The following SFXN5 variants were observed in gnomAD, a reference collection of about 807,000 sequenced individuals.
The protein encoded by SFXN5 is sideroflexin 5, also known as sideroflexin-5.
Under a neutral mutation model 50.2 loss-of-function variants are expected in SFXN5, and 43 were observed. The ratio of observed to expected loss-of-function variants is 0.86; its 90% CI spans 0.67 to 1.11. The LOEUF is 1.11. Ranked by LOEUF, SFXN5 falls within the 50% of genes least tolerant of loss-of-function variation. The pLI, the probability that SFXN5 is intolerant of heterozygous loss-of-function variation, is 0.00. For missense variants in SFXN5, 463 were observed against 454.1 expected (o/e 1.02, Z -0.18); for synonymous variants, 203 against 185.8 (o/e 1.09, Z -0.75).
At chr2:72,993,206 G>A (rs978526811) in intron 9 of SFXN5, among the ~76,000 whole-genome samples, 3 of 152,160 alleles carry the variant, frequency 2.0e-5, no homozygotes, top group Non-Finnish European at 2.9e-5. Flanking sequence ...TGAGGGCACC[G>A]GGGGCAAGGG....
At chr2:72,970,749 G>A (rs1675068311) in intron 11 of SFXN5, among the ~76,000 whole-genome samples, 1 of 151,818 alleles carries the variant, frequency 6.6e-6, no homozygotes, top group African/African-American at 2.4e-5. Context: ...GTGCAGTGAT[G>A]TGATCTCGGC....
intron 2 of SFXN5, among the ~76,000 whole-genome samples, chr2:73,048,238 T>C (rs1300955599): frequency 6.6e-6 from 1 of 152,216 alleles, no homozygotes; most frequent in Non-Finnish European, 1.5e-5. Context: ...TTGTTTGTTT[T>C]TGAGACAGAG....
chr2:72,980,556 C>T (rs868407251), intron 10 of SFXN5, among the ~76,000 whole-genome samples: 2 of 152,170 alleles, frequency 1.3e-5, no homozygotes, highest in African/African-American at 4.8e-5. Context: ...GAGAGTTTCA[C>T]AACCCATATT....
chr2:73,066,858 GA>G (rs1329292901), intron 1 of SFXN5, among the ~76,000 whole-genome samples: 1 of 150,048 alleles, frequency 6.7e-6, no homozygotes, highest in Non-Finnish European at 1.5e-5. Flanking sequence ...GAAAAGAAAA[GA>G]AAAAACAGAA....
rs528417439 is a variant in SFXN5 at position 72,950,153 on chromosome 2, T to A, written c.946-5054A>T. ...GCCAAGGCCTGGGGAACAGGCACAT[T>A]TGAAGGGCAAGCGGAGGGAACAAGC... On this transcript the variant is annotated intron_variant, in intron 13 of 13. Coordinates refer to ENST00000272433, the MANE Select transcript of SFXN5 (RefSeq NM_144579.3). The surrounding 1 kb of genome is among the most constrained non-coding windows in gnomAD (Gnocchi z 4.2). Among the ~76,000 whole-genome samples, 4 of 152,142 alleles carry A rather than the reference T, an allele frequency of 2.6e-5. No individual in the cohort carries two copies. In the South Asian group the frequency reaches 8.3e-4, roughly 32 times the overall value.
At chr2:73,021,659 G>A (rs1676909694) in intron 5 of SFXN5, among the ~76,000 whole-genome samples, 1 of 152,152 alleles carries the variant, frequency 6.6e-6, no homozygotes, top group Non-Finnish European at 1.5e-5. Context: ...CGACCCTGAG[G>A]GACCCATTTG....
chr2:73,010,491 C>A (rs1482692731), intron 6 of SFXN5, among the ~76,000 whole-genome samples: 1 of 152,112 alleles, frequency 6.6e-6, no homozygotes, highest in Admixed American at 6.5e-5. Context: ...GTCTGGGTTC[C>A]TGATGATATT....
chr2:73,026,084 GAGA>G (rs1677507164), intron 3 of SFXN5, among the ~76,000 whole-genome samples: 1 of 151,784 alleles, frequency 6.6e-6, no homozygotes, highest in African/African-American at 2.4e-5. Context: ...GCGCAATGCT[GAGA>G]AGGAGGTCCC....
At chr2:72,946,901 G>A (rs568464550) in intron 13 of SFXN5, among the ~76,000 whole-genome samples, 5 of 152,108 alleles carry the variant, frequency 3.3e-5, no homozygotes, top group Admixed American at 6.5e-5. Context: ...CCTGCTCCTT[G>A]GACTGGAGAC....
At chr2:72,968,396 T>C in intron 12 of SFXN5, 52 bp downstream of exon 12, 22 of 1,039,342 alleles carry the variant, frequency 2.1e-5, no homozygotes, top group South Asian at 2.6e-5. Context: ...TCCCCCTCCC[T>C]CTCCCCCTCC....
intron 13 of SFXN5, among the ~76,000 whole-genome samples, chr2:72,957,398 G>A (rs1351934715): frequency 6.6e-6 from 1 of 152,200 alleles, no homozygotes; most frequent in African/African-American, 2.4e-5. Context: ...GAAAAGAGCA[G>A]ATAAAACTCT....
intron 2 of SFXN5, among the ~76,000 whole-genome samples, chr2:73,055,753 A>C (rs532371633): frequency 2.8e-4 from 43 of 152,102 alleles, no homozygotes; most frequent in Non-Finnish European, 5.9e-5. Flanking sequence ...AGTAGCTGGG[A>C]CTACAGACAC....
chr2:73,054,125 C>A (rs559657439), intron 2 of SFXN5, among the ~76,000 whole-genome samples: 160 of 152,248 alleles, frequency 1.1e-3, no homozygotes, highest in African/African-American at 3.5e-3. Flanking sequence ...CATGGCCCTT[C>A]CAGAGTTTGT....
At chr2:72,977,352 G>A (rs568328059) in intron 10 of SFXN5, among the ~76,000 whole-genome samples, 13 of 152,270 alleles carry the variant, frequency 8.5e-5, no homozygotes, top group African/African-American at 3.1e-4. Context: ...TCCATACGAT[G>A]TATAAGAGCT....
In SFXN5 at chr2:72,943,639, T is replaced by C. The variant is rs570696570; in HGVS notation, c.*1383A>G. 6.5e-6 allele frequency: 1 copy of C among 152,916 alleles called. No individual in the cohort carries two copies. Among genetic ancestry groups the C allele is most frequent in the African/African-American group, 2.4e-5 (1 of 41,596 alleles). The allele number at this position is 152,916 out of a possible 1,614,324, so 9.5% of individuals were successfully genotyped here. A position where few individuals can be genotyped will look rare whatever the true frequency, so the allele number is the denominator to read the frequency against. Reference sequence around the variant, plus strand: ...GGCCCCACCATCAGGCCCAGGCATCTATGTTACCTCCTCCTCCAGAACTGT... The same window carrying C: ...GGCCCCACCATCAGGCCCAGGCATCCATGTTACCTCCTCCTCCAGAACTGT... On this transcript the variant is annotated 3_prime_UTR_variant, in exon 14 of 14. Transcript: ENST00000272433.
At chr2:73,059,772 A>C in intron 1 of SFXN5, 1 of 979,910 alleles carries the variant, frequency 1.0e-6, no homozygotes, top group Non-Finnish European at 1.2e-6. Flanking sequence ...CCATTTTCCC[A>C]TTAAAGACAT....
At chr2:72,990,470 T>C (rs61164794) in intron 9 of SFXN5, among the ~76,000 whole-genome samples, 44,581 of 151,842 alleles carry the variant, frequency 0.29, 9,190 homozygotes, top group African/African-American at 0.58. Flanking sequence ...TGAGAGAAAG[T>C]GTGGGAGGAA....
intron 10 of SFXN5, among the ~76,000 whole-genome samples, chr2:72,985,634 G>A (rs1671826612): frequency 2.0e-5 from 3 of 152,148 alleles, no homozygotes; most frequent in Non-Finnish European, 4.4e-5. Flanking sequence ...TCAGCAGCCA[G>A]GCCAGAGGAA....
intron 13 of SFXN5, chr2:72,957,025 G>T (rs1475136653): frequency 2.2e-6 from 1 of 456,758 alleles, no homozygotes; most frequent in Non-Finnish European, 4.4e-6. Flanking sequence ...CAAGTCCTCA[G>T]CTTCCATGAA....
Sources: gnomAD v4.1 joint callset for allele counts (sites outside exome capture counted in the v4.1 genomes callset) on GRCh38, gnomAD v4.1.1 for gene constraint, Gnocchi (gnomAD v3.1) non-coding constraint, MANE v1.5 for transcripts, NCBI Gene and HGNC (gene_info 2026-07-23, HGNC 2026-07-21) for gene names.